Variants in NOS1AP observed in about 807,000 individuals in gnomAD.
The protein encoded by NOS1AP is nitric oxide synthase 1 adaptor protein, also known as carboxyl-terminal PDZ ligand of neuronal nitric oxide synthase protein.
A neutral mutation model predicts 56.2 loss-of-function variants in NOS1AP; 21 were observed. That is an observed-to-expected ratio of 0.37 (90% CI 0.26 to 0.54). NOS1AP has a LOEUF of 0.54. Among genes scored for constraint, NOS1AP ranks in the 20% least tolerant of loss-of-function variants. The pLI is 0.84. For missense variants in NOS1AP, 522 were observed against 657.8 expected (o/e 0.79, Z 2.26); for synonymous variants, 270 against 274.6 (o/e 0.98, Z 0.17).
At chr1:162,287,537 C>T (rs909912741) in intron 3 of NOS1AP, 101 bp downstream of exon 3, 1 of 811,518 alleles carries the variant, frequency 1.2e-6, no homozygotes, top group African/African-American at 1.7e-5. Flanking sequence ...AGAATCCCTC[C>T]CTTATCTGGC....
At chr1:162,129,517 A>C (rs1232328777) in intron 1 of NOS1AP, among the ~76,000 whole-genome samples, 2 of 152,222 alleles carry the variant, frequency 1.3e-5, no homozygotes, top group Non-Finnish European at 2.9e-5. Flanking sequence ...TAATGGGCTC[A>C]GCTCAAATCT....
chr1:162,071,210 G>T (rs537373080), intron 1 of NOS1AP, among the ~76,000 whole-genome samples: 3 of 152,174 alleles, frequency 2.0e-5, no homozygotes, highest in African/African-American at 7.2e-5. Flanking sequence ...GGGACTTTCG[G>T]CACCTACAGT....
At chr1:162,183,654 A>G (rs538198593) in intron 2 of NOS1AP, among the ~76,000 whole-genome samples, 2 of 152,326 alleles carry the variant, frequency 1.3e-5, no homozygotes, top group South Asian at 2.1e-4. Flanking sequence ...TTCCATTTTT[A>G]TGTTACAGAG....
chr1:162,154,258 C>A, intron 1 of NOS1AP, 147 bp from the exon 2 acceptor site: 3 of 679,020 alleles, frequency 4.4e-6, no homozygotes, highest in South Asian at 1.8e-5. Context: ...AAGTTAGAAA[C>A]AGACTCAAAA....
chr1:162,303,616 A>T (rs1655729530), intron 4 of NOS1AP, among the ~76,000 whole-genome samples: 1 of 151,790 alleles, frequency 6.6e-6, no homozygotes, highest in Non-Finnish European at 1.5e-5. Context: ...TAATTTTTAA[A>T]TTTTTTGTAG....
At chr1:162,231,631 G>T (rs1653128793) in intron 2 of NOS1AP, among the ~76,000 whole-genome samples, 2 of 152,108 alleles carry the variant, frequency 1.3e-5, no homozygotes, top group Non-Finnish European at 2.9e-5. Flanking sequence ...AGTACAAACT[G>T]TACTGTCATA....
chr1:162,267,510 A>G (rs1654460159), intron 2 of NOS1AP, among the ~76,000 whole-genome samples: 1 of 150,618 alleles, frequency 6.6e-6, no homozygotes, highest in African/African-American at 2.4e-5. Flanking sequence ...CACAACTTTA[A>G]TCCCAACATT....
intron 4 of NOS1AP, among the ~76,000 whole-genome samples, chr1:162,324,207 C>A (rs1656508020): frequency 1.3e-5 from 2 of 151,978 alleles, no homozygotes; most frequent in Admixed American, 1.3e-4. Context: ...TGGTTTAAGC[C>A]CCCCAAATGT....
chr1:162,198,079 G>A (rs758387402), intron 2 of NOS1AP, among the ~76,000 whole-genome samples: 4 of 152,232 alleles, frequency 2.6e-5, no homozygotes, highest in Non-Finnish European at 4.4e-5. Flanking sequence ...CCTCCTCAGG[G>A]TTTGACCTGG....
intron 2 of NOS1AP, among the ~76,000 whole-genome samples, chr1:162,183,646 C>T (rs1651334269): frequency 6.6e-6 from 1 of 152,234 alleles, no homozygotes; most frequent in Non-Finnish European, 1.5e-5. Flanking sequence ...ACTTCACCTT[C>T]CATTTTTATG....
chr1:162,147,557 T>C lies in NOS1AP; in HGVS notation c.106-6848T>C, dbSNP rs184346352. ...CCAGGGGCCACAACAGTAGAGTTGA[T>C]TGGTGTCTTCAGAAGTTAATCTCCA... On this transcript the variant is annotated intron_variant, in intron 1 of 9. Coordinates refer to ENST00000361897, the MANE Select transcript of NOS1AP (RefSeq NM_014697.3). Among the ~76,000 whole-genome samples, 689 of 152,256 alleles carry C rather than the reference T, an allele frequency of 4.5e-3. 1 individual carries two copies. Among genetic ancestry groups the C allele is most frequent in the Non-Finnish European group, 6.8e-3 (462 of 68,024 alleles).
intron 7 of NOS1AP, among the ~76,000 whole-genome samples, chr1:162,355,823 C>G (rs446569): frequency 6.6e-6 from 1 of 152,106 alleles, no homozygotes; most frequent in Non-Finnish European, 1.5e-5. Context: ...CACTGGATGT[C>G]AGAAACTGAG....
At chr1:162,302,502 T>A (rs1571203819) in intron 4 of NOS1AP, among the ~76,000 whole-genome samples, 3 of 152,316 alleles carry the variant, frequency 2.0e-5, no homozygotes, top group East Asian at 3.9e-4. Flanking sequence ...TTCTTGGCTT[T>A]ATTTTCTTAA....
chr1:162,160,491 G>T lies in NOS1AP; in HGVS notation c.177+6015G>T, dbSNP rs1296775206. Among the ~76,000 whole-genome samples, 11 of 152,224 alleles carry T rather than the reference G, an allele frequency of 7.2e-5. No individual in the cohort carries two copies. The South Asian group carries it at 2.1e-3, about 29-fold the overall frequency. On this transcript the variant is annotated intron_variant, in intron 2 of 9. Transcript: ENST00000361897. ...CTGGTGGACGGGCGGCTTTATGGAG[G>T]CAGCGACTGGAGTTGTGAGTGCCGC...
intron 2 of NOS1AP, among the ~76,000 whole-genome samples, chr1:162,257,984 T>C (rs1199127935): frequency 1.3e-5 from 2 of 152,320 alleles, no homozygotes; most frequent in African/African-American, 4.8e-5. Context: ...CTTTTTTTTT[T>C]ATTTTAAATG....
At chr1:162,350,511 T>A (rs1657457491) in intron 6 of NOS1AP, among the ~76,000 whole-genome samples, 2 of 152,244 alleles carry the variant, frequency 1.3e-5, no homozygotes, top group Non-Finnish European at 2.9e-5. Flanking sequence ...CCTATACTGC[T>A]TCTCTGACTC....
intron 2 of NOS1AP, among the ~76,000 whole-genome samples, chr1:162,203,138 T>A (rs1054304803): frequency 2.2e-5 from 3 of 139,264 alleles, no homozygotes; most frequent in Non-Finnish European, 4.7e-5. Context: ...TCATTAGATC[T>A]GGTTTTGCTG....
At chr1:162,233,768 C>T (rs1324394679) in intron 2 of NOS1AP, among the ~76,000 whole-genome samples, 1 of 152,188 alleles carries the variant, frequency 6.6e-6, no homozygotes, top group Admixed American at 6.5e-5. Context: ...TGCTTTGTGG[C>T]CAGGACTTGT....
At chr1:162,307,514 G>A (rs915513792) in intron 4 of NOS1AP, among the ~76,000 whole-genome samples, 1 of 152,196 alleles carries the variant, frequency 6.6e-6, no homozygotes, top group Non-Finnish European at 1.5e-5. Context: ...TTAAGAATTA[G>A]AAGTCTAGGC....
Sources: allele counts gnomAD v4.1 joint callset (sites outside exome capture counted in the v4.1 genomes callset), GRCh38; gene constraint gnomAD v4.1.1; transcripts MANE v1.5; gene names NCBI Gene and HGNC (gene_info 2026-07-23, HGNC 2026-07-21).